The following SYNDIG1 variants were observed in gnomAD, a reference collection of about 807,000 sequenced individuals.
The protein encoded by SYNDIG1 is synapse differentiation inducing 1, also known as synapse differentiation-inducing gene protein 1.
Under a neutral mutation model 19.4 loss-of-function variants are expected in SYNDIG1, and 9 were observed. The observed-to-expected ratio is 0.46, with a 90% CI of 0.28 to 0.81. The LOEUF is 0.81. SYNDIG1 is among the 30% of genes least tolerant of loss of function. The probability of loss-of-function intolerance (pLI) is 0.12; values close to 1 mark genes in which losing one functional copy is unlikely to be tolerated. For synonymous variants in SYNDIG1, 141 were observed against 145.9 expected (o/e 0.97, Z 0.24); for missense variants, 311 against 343.3 (o/e 0.91, Z 0.74).
intron 2 of SYNDIG1, among the ~76,000 whole-genome samples, chr20:24,576,496 C>T (rs977211126): frequency 2.6e-5 from 4 of 152,150 alleles, no homozygotes; most frequent in African/African-American, 9.7e-5. Context: ...TCGGGGGGCA[C>T]GTGCCCCTGG....
chr20:24,553,792 G>A (rs1374630528), intron 2 of SYNDIG1, among the ~76,000 whole-genome samples: 2 of 152,124 alleles, frequency 1.3e-5, no homozygotes, highest in Non-Finnish European at 2.9e-5. Flanking sequence ...GGCAATGCGG[G>A]CTCTTTTTTG....
chr20:24,625,467 G>T (rs2147256429), intron 3 of SYNDIG1, among the ~76,000 whole-genome samples: 1 of 150,508 alleles, frequency 6.6e-6, no homozygotes, highest in East Asian at 2.0e-4. Context: ...AATAGTGGAG[G>T]GAAGGTCAGC....
chr20:24,662,855 A>G (rs2147410784), intron 3 of SYNDIG1, among the ~76,000 whole-genome samples: 1 of 152,318 alleles, frequency 6.6e-6, no homozygotes, highest in Non-Finnish European at 1.5e-5. Context: ...TTGCACCTAC[A>G]CACAAAGCCT....
chr20:24,634,876 G>A (rs1271187948), intron 3 of SYNDIG1, among the ~76,000 whole-genome samples: 1 of 152,168 alleles, frequency 6.6e-6, no homozygotes, highest in Non-Finnish European at 1.5e-5. Flanking sequence ...AGCTTCCAGG[G>A]CACTACAGTC....
intron 1 of SYNDIG1, chr20:24,495,530 C>G (rs1329544196): frequency 6.6e-6 from 1 of 152,342 alleles, no homozygotes; most frequent in East Asian, 1.9e-4. Context: ...GGCGGCTGTG[C>G]TGATCCACCT....
At chr20:24,488,746 G>A (rs978320487) in intron 1 of SYNDIG1, among the ~76,000 whole-genome samples, 1 of 152,226 alleles carries the variant, frequency 6.6e-6, no homozygotes, top group African/African-American at 2.4e-5. Flanking sequence ...CAAGGTGTGA[G>A]TGTTTCACAG....
intron 2 of SYNDIG1, among the ~76,000 whole-genome samples, chr20:24,567,131 C>T (rs575721733): frequency 6.6e-6 from 1 of 152,142 alleles, no homozygotes; most frequent in East Asian, 1.9e-4. Context: ...TTCAGGCTTG[C>T]GGATGGTTTG....
chr20:24,660,098 T>A (rs1463502509), intron 3 of SYNDIG1, among the ~76,000 whole-genome samples: 1 of 152,224 alleles, frequency 6.6e-6, no homozygotes, highest in African/African-American at 2.4e-5. Context: ...ATTCCATGAC[T>A]ATCTGGGTGT....
intron 3 of SYNDIG1, among the ~76,000 whole-genome samples, chr20:24,605,273 G>A (rs2058738923): frequency 6.6e-6 from 1 of 152,228 alleles, no homozygotes; most frequent in Non-Finnish European, 1.5e-5. Flanking sequence ...CAAGAGCCCA[G>A]CTAGATACAA....
intron 1 of SYNDIG1, among the ~76,000 whole-genome samples, chr20:24,527,402 G>C (rs1374241512): frequency 2.0e-5 from 3 of 151,770 alleles, no homozygotes; most frequent in Non-Finnish European, 4.4e-5. Context: ...TCCTTCTTGT[G>C]TTTTATTTAT....
In SYNDIG1 at chr20:24,532,433, T is replaced by C. The variant is rs73901853; in HGVS notation, c.-78-10587T>C. ...TAGGCAAATCCATAGAGACAGAAAG[T>C]AGATCAGTGTTTGCCAGGGGCTGGG... On this transcript the variant is annotated intron_variant, in intron 1 of 3. Transcript: ENST00000376862. Among the ~76,000 whole-genome samples, 1,483 of 152,218 alleles carry C rather than the reference T, an allele frequency of 9.7e-3. 26 individuals carry two copies. Among genetic ancestry groups the C allele is most frequent in the African/African-American group, 0.033 (1,385 of 41,540 alleles).
intron 1 of SYNDIG1, among the ~76,000 whole-genome samples, chr20:24,488,728 A>C (rs1271175816): frequency 2.0e-5 from 3 of 152,226 alleles, no homozygotes; most frequent in African/African-American, 7.2e-5. Context: ...TGATGAGCTC[A>C]GTGGGACCAA....
intron 3 of SYNDIG1, among the ~76,000 whole-genome samples, chr20:24,626,680 C>A (rs1208804967): frequency 6.6e-6 from 1 of 152,214 alleles, no homozygotes; most frequent in Non-Finnish European, 1.5e-5. Context: ...GGGTAGCGGC[C>A]GGGCAGAGGC....
At position 24,543,248 on chromosome 20, in the gene SYNDIG1, C is replaced by T; in HGVS notation, c.151C>T (p.His51Tyr). ...SVYPAPQYQSHRVGASTVPAS... is the reference protein window; with the variant it reads ...SVYPAPQYQSYRVGASTVPAS... ...TTACCCAGCGCCCCAGTACCAGAGC[C>T]ACCGGGTGGGGGCCAGCACAGTGCC... Residue 51 changes from histidine (H) to tyrosine (Y), a missense_variant, in exon 2 of 4, where the codon CAC (histidine) becomes TAC (tyrosine). Coordinates refer to ENST00000376862, the MANE Select transcript of SYNDIG1 (RefSeq NM_024893.3). 9 of 1,613,798 alleles carry T rather than the reference C, an allele frequency of 5.6e-6. No homozygotes were observed. The highest frequency in any genetic ancestry group is 7.6e-6 in the Non-Finnish European group (9 of 1,180,012).
chr20:24,599,409 T>G (rs778671458), intron 3 of SYNDIG1, among the ~76,000 whole-genome samples: 3 of 152,220 alleles, frequency 2.0e-5, no homozygotes, highest in Admixed American at 1.3e-4. Context: ...GTACAACCAT[T>G]ATAGAAAACA....
Position 24,665,456 on chromosome 20 carries a change from C to A in SYNDIG1, c.729C>A (p.Gly243=), listed in dbSNP as rs144278039. Residue 243 remains glycine (G), a synonymous_variant, in exon 4 of 4, where the codon GGC becomes GGA. Coordinates refer to ENST00000376862, the MANE Select transcript of SYNDIG1 (RefSeq NM_024893.3). The part of the protein sequence containing the change: ...SITIGTGVYV[G]VAVALIAYLS... Reference sequence around the variant, plus strand: ...CCATTGGGACTGGCGTCTATGTGGGCGTGGCCGTGGCCCTCATCGCCTACC... The same window carrying A: ...CCATTGGGACTGGCGTCTATGTGGGAGTGGCCGTGGCCCTCATCGCCTACC... 1.1e-5 allele frequency: 18 copies of A among 1,613,964 alleles called. No individual in the cohort carries two copies. Among genetic ancestry groups the A allele is most frequent in the Non-Finnish European group, 1.5e-5 (18 of 1,179,962 alleles).
chr20:24,511,417 C>T (rs1462491306), intron 1 of SYNDIG1, among the ~76,000 whole-genome samples: 1 of 152,198 alleles, frequency 6.6e-6, no homozygotes, highest in Non-Finnish European at 1.5e-5. Flanking sequence ...CAGCACCAGG[C>T]CAATGGGACC....
rs528786543 is a variant in SYNDIG1 at position 24,534,845 on chromosome 20, G to A, written c.-78-8175G>A. 3.9e-5 allele frequency among the ~76,000 whole-genome samples: 6 copies of A among 152,290 alleles called. No individual in the cohort carries two copies. The South Asian group carries it at 1.2e-3, about 32-fold the overall frequency. ...TCGTGGTGTGGTAGGGGCTGGACAC[G>A]GTGCGGCTTCCTTTATTCCCTGGGT... On this transcript the variant is annotated intron_variant, in intron 1 of 3. Coordinates refer to ENST00000376862, the MANE Select transcript of SYNDIG1 (RefSeq NM_024893.3).
intron 1 of SYNDIG1, among the ~76,000 whole-genome samples, chr20:24,532,371 C>T (rs2057277650): frequency 6.6e-6 from 1 of 152,124 alleles, no homozygotes; most frequent in Admixed American, 6.5e-5. Context: ...TGAGAGGCCA[C>T]ATAGTGTATG....
Sources: allele counts gnomAD v4.1 joint callset (sites outside exome capture counted in the v4.1 genomes callset), GRCh38; gene constraint gnomAD v4.1.1; transcripts MANE v1.5; gene names NCBI Gene and HGNC (gene_info 2026-07-23, HGNC 2026-07-21).